PTPRD: variants seen among roughly 807,000 people sequenced by gnomAD.
The protein encoded by PTPRD is protein tyrosine phosphatase receptor type D.
A neutral mutation model predicts 214.5 loss-of-function variants in PTPRD; 34 were observed. The observed-to-expected ratio is 0.16, with a 90% CI of 0.12 to 0.21. PTPRD has a LOEUF of 0.21. Among genes scored for constraint, PTPRD ranks in the 10% least tolerant of loss-of-function variants. The pLI, the probability that PTPRD is intolerant of heterozygous loss-of-function variation, is 1.00. For synonymous variants in PTPRD, 1,128 were observed against 845.7 expected, an observed-to-expected ratio of 1.33 and a Z score of -5.79; for missense variants, 2,545 against 2,398.7, an observed-to-expected ratio of 1.06 and a Z score of -1.27.
chr9:9,659,022 C>G (rs574954475), intron 7 of PTPRD, among the ~76,000 whole-genome samples: 27 of 152,090 alleles, frequency 1.8e-4, no homozygotes, highest in African/African-American at 6.3e-4. Context: ...TATTTTTTAT[C>G]TAAAAGCCAG....
In PTPRD at chr9:10,323,922, G is replaced by C. The variant is rs530378480; in HGVS notation, c.-545+17041C>G. On this transcript the variant is annotated intron_variant, in intron 3 of 45. Coordinates refer to ENST00000381196, the MANE Select transcript of PTPRD (RefSeq NM_002839.4). ...TGAGGGACAGAATAGAAGAGCACTTGTTCTCTAAGGAAAAAAAATTCTGAG... is the reference window on the plus strand; with the variant it reads ...TGAGGGACAGAATAGAAGAGCACTTCTTCTCTAAGGAAAAAAAATTCTGAG... Among the ~76,000 whole-genome samples the C allele has an allele frequency of 2.6e-5, 4 of 152,042 alleles. No homozygotes were observed. The South Asian group carries it at 6.2e-4, about 24-fold the overall frequency.
intron 3 of PTPRD, among the ~76,000 whole-genome samples, chr9:10,059,379 A>G (rs1404058471): frequency 6.6e-6 from 1 of 152,130 alleles, no homozygotes; most frequent in Non-Finnish European, 1.5e-5. Flanking sequence ...CTGGGAGGCC[A>G]CAGTCACAAT....
Position 9,217,355 on chromosome 9 carries a change from C to A in PTPRD, c.-202-33992G>T, listed in dbSNP as rs190720192. Among the ~76,000 whole-genome samples, 23 of 152,270 alleles carry A rather than the reference C, an allele frequency of 1.5e-4. 1 individual carries two copies. In the East Asian group the frequency reaches 4.4e-3, roughly 29 times the overall value. On this transcript the variant is annotated intron_variant, in intron 9 of 45. Transcript: ENST00000381196. ...AAGTGTTTTATATGGGCTACAAATA[C>A]ATAAAATAAGATTCAATATTTCCCA... is the stretch of plus-strand genomic sequence containing the variant.
intron 9 of PTPRD, among the ~76,000 whole-genome samples, chr9:9,343,208 T>C (rs957278402): frequency 6.6e-6 from 1 of 152,194 alleles, no homozygotes; most frequent in Non-Finnish European, 1.5e-5. Flanking sequence ...CTTGTGTCTT[T>C]ATAGTCACAT....
At chr9:9,587,975 T>C (rs534633120) in intron 7 of PTPRD, among the ~76,000 whole-genome samples, 1 of 152,112 alleles carries the variant, frequency 6.6e-6, no homozygotes, top group South Asian at 2.1e-4. Flanking sequence ...GTATTTTGTA[T>C]ACTTCAAAGT....
chr9:9,868,500 T>C (rs2064569223), intron 5 of PTPRD, among the ~76,000 whole-genome samples: 1 of 151,868 alleles, frequency 6.6e-6, no homozygotes, highest in Non-Finnish European at 1.5e-5. Flanking sequence ...GAGAGAAAGA[T>C]AAGAGATTTG....
At chr9:10,156,135 T>A (rs926370929) in intron 3 of PTPRD, among the ~76,000 whole-genome samples, 153 of 149,198 alleles carry the variant, frequency 1.0e-3, no homozygotes, top group African/African-American at 3.4e-3. Flanking sequence ...CCTGTCTCCT[T>A]TGGTTCAGCT....
intron 11 of PTPRD, among the ~76,000 whole-genome samples, chr9:8,814,956 C>T (rs2096890422): frequency 6.6e-6 from 1 of 152,094 alleles, no homozygotes. Context: ...AACAAATGTG[C>T]AAATTTTGTC....
At chr9:9,243,613 T>C (rs1483706301) in intron 9 of PTPRD, among the ~76,000 whole-genome samples, 1 of 152,144 alleles carries the variant, frequency 6.6e-6, no homozygotes, top group East Asian at 1.9e-4. Context: ...AAACTCTCAA[T>C]AAACTAGGTA....
chr9:9,677,232 G>C (rs1371618781), intron 7 of PTPRD, among the ~76,000 whole-genome samples: 9 of 152,036 alleles, frequency 5.9e-5, no homozygotes, highest in Non-Finnish European at 8.8e-5. Flanking sequence ...GTATTGCCTA[G>C]GTTGTCTTCC....
At chr9:9,697,640 T>C (rs2097405276) in intron 7 of PTPRD, among the ~76,000 whole-genome samples, 1 of 152,140 alleles carries the variant, frequency 6.6e-6, no homozygotes, top group Non-Finnish European at 1.5e-5. Context: ...TTTGAGAGTT[T>C]AATTATTATA....
intron 7 of PTPRD, among the ~76,000 whole-genome samples, chr9:9,638,302 G>T (rs1187826134): frequency 6.6e-6 from 1 of 152,046 alleles, no homozygotes; most frequent in Non-Finnish European, 1.5e-5. Context: ...CATTCTGAAC[G>T]CTGCTGCTAG....
chr9:9,570,668 C>T (rs554724918), intron 8 of PTPRD, among the ~76,000 whole-genome samples: 242 of 151,502 alleles, frequency 1.6e-3, no homozygotes, highest in African/African-American at 5.5e-3. Context: ...CTTTGTTCTC[C>T]CTGCTTTCAT....
chr9:10,574,671 CATT>C (rs944508302), intron 2 of PTPRD, among the ~76,000 whole-genome samples: 1 of 151,734 alleles, frequency 6.6e-6, no homozygotes, highest in African/African-American at 2.4e-5. Context: ...GAAAATGAAT[CATT>C]ATATGATCTA....
At chr9:8,850,031 C>A (rs921192215) in intron 11 of PTPRD, among the ~76,000 whole-genome samples, 1 of 151,916 alleles carries the variant, frequency 6.6e-6, no homozygotes, top group East Asian at 1.9e-4. Context: ...AGGATAAGAA[C>A]AAAAGGAAGA....
At chr9:8,925,223 T>C (rs566694050) in intron 11 of PTPRD, among the ~76,000 whole-genome samples, 1 of 152,194 alleles carries the variant, frequency 6.6e-6, no homozygotes, top group South Asian at 2.1e-4. Flanking sequence ...AGCCTGAGCA[T>C]TTTTCTGGGT....
chr9:8,474,775 ATC>A (rs2096730605), intron 30 of PTPRD, among the ~76,000 whole-genome samples: 1 of 152,136 alleles, frequency 6.6e-6, no homozygotes, highest in Non-Finnish European at 1.5e-5. Context: ...TTCCCTCATC[ATC>A]TGTCTACCAA....
At chr9:10,187,239 T>C (rs540648990) in intron 3 of PTPRD, among the ~76,000 whole-genome samples, 1 of 152,260 alleles carries the variant, frequency 6.6e-6, no homozygotes, top group East Asian at 1.9e-4. Flanking sequence ...GTGTGTGAAA[T>C]AGGATGAATA....
rs1463727251 is a variant in PTPRD at position 9,061,532 on chromosome 9, C to G, written c.-142-42797G>C. ...TCTCTTTGCCCATATATAGCCTGAG[C>G]CTTCTAATATTTCTAATACACCCCA... On this transcript the variant is annotated intron_variant, in intron 10 of 45. Coordinates refer to ENST00000381196, the MANE Select transcript of PTPRD (RefSeq NM_002839.4). Among the ~76,000 whole-genome samples, 10 of 152,222 alleles carry G rather than the reference C, an allele frequency of 6.6e-5. No individual in the cohort carries two copies. In the South Asian group the frequency reaches 1.7e-3, roughly 25 times the overall value.
Sources: gnomAD v4.1 joint callset for allele counts (sites outside exome capture counted in the v4.1 genomes callset) on GRCh38, gnomAD v4.1.1 for gene constraint, MANE v1.5 for transcripts, NCBI Gene and HGNC (gene_info 2026-07-23, HGNC 2026-07-21) for gene names.